KCNB2: variants seen among roughly 807,000 people sequenced by gnomAD.
The protein encoded by KCNB2 is delayed rectifier potassium channel protein.
Under a neutral mutation model 61.5 loss-of-function variants are expected in KCNB2, and 15 were observed. That is an observed-to-expected ratio of 0.24 (90% CI 0.16 to 0.38). KCNB2 has a LOEUF of 0.38. Among genes scored for constraint, KCNB2 ranks in the 10% least tolerant of loss-of-function variants. KCNB2 has a pLI of 1.00. For missense variants in KCNB2, 828 were observed against 1,125.2 expected, an observed-to-expected ratio of 0.74 and a Z score of 3.78; for synonymous variants, 457 against 446.0, an observed-to-expected ratio of 1.02 and a Z score of -0.31.
intron 2 of KCNB2, among the ~76,000 whole-genome samples, chr8:72,677,135 T>C (rs1017423343): frequency 3.3e-5 from 5 of 152,090 alleles, no homozygotes; most frequent in Non-Finnish European, 5.9e-5. Context: ...CCTGTGATGC[T>C]TGGAGTCATG....
intron 2 of KCNB2, among the ~76,000 whole-genome samples, chr8:72,894,370 C>A (rs1805953099): frequency 6.6e-6 from 1 of 152,030 alleles, no homozygotes; most frequent in Non-Finnish European, 1.5e-5. Context: ...GCTTTACAGG[C>A]CAGAACAAAG....
chr8:72,892,717 A>G (rs1034905364), intron 2 of KCNB2, among the ~76,000 whole-genome samples: 3 of 152,108 alleles, frequency 2.0e-5, no homozygotes, highest in African/African-American at 7.2e-5. Flanking sequence ...CTTCTCCTAT[A>G]CTACTTCTTA....
At chr8:72,866,579 A>G (rs916031164) in intron 2 of KCNB2, among the ~76,000 whole-genome samples, 10 of 152,180 alleles carry the variant, frequency 6.6e-5, no homozygotes, top group Non-Finnish European at 1.0e-4. Context: ...TTGTTATTGC[A>G]GTTGCTCTGT....
chr8:72,560,420 GA>G (rs1585751370), intron 1 of KCNB2, among the ~76,000 whole-genome samples: 2 of 152,210 alleles, frequency 1.3e-5, no homozygotes, highest in African/African-American at 4.8e-5. Flanking sequence ...GGTAGTGACT[GA>G]AGTTCGTGAT....
chr8:72,763,325 C>CTT (rs5892367), intron 2 of KCNB2, among the ~76,000 whole-genome samples: 66 of 149,758 alleles, frequency 4.4e-4, no homozygotes, highest in African/African-American at 1.3e-3. Flanking sequence ...CCTGAGTCTC[C>CTT]TTTTTTTTTA....
At chr8:72,755,344 A>G (rs1808271957) in intron 2 of KCNB2, among the ~76,000 whole-genome samples, 1 of 152,174 alleles carries the variant, frequency 6.6e-6, no homozygotes, top group Non-Finnish European at 1.5e-5. Flanking sequence ...GTTAATAATG[A>G]TGCATCAACA....
At chr8:72,744,480 T>C (rs564779970) in intron 2 of KCNB2, among the ~76,000 whole-genome samples, 3 of 152,190 alleles carry the variant, frequency 2.0e-5, no homozygotes, top group African/African-American at 7.2e-5. Flanking sequence ...GTTATTTGTG[T>C]GGGAGAGGTG....
At position 72,618,126 on chromosome 8, in the gene KCNB2, C is replaced by T. The variant is rs1410925083; in HGVS notation, c.579+49813C>T. 1.3e-5 allele frequency among the ~76,000 whole-genome samples: 2 copies of T among 151,934 alleles called. 1 individual carries two copies. Among genetic ancestry groups the T allele is most frequent in the Non-Finnish European group, 2.9e-5 (2 of 67,966 alleles). Reference sequence around the variant, plus strand: ...TGGTGGGAAAGCTAAAAATGCCTACCGAGATGGCAATGTAGACTGACATTA... The same window carrying T: ...TGGTGGGAAAGCTAAAAATGCCTACTGAGATGGCAATGTAGACTGACATTA... On this transcript the variant is annotated intron_variant, in intron 2 of 2. Coordinates refer to ENST00000523207, the MANE Select transcript of KCNB2 (RefSeq NM_004770.3).
At chr8:72,896,898 G>A (rs2129006311) in intron 2 of KCNB2, among the ~76,000 whole-genome samples, 2 of 152,180 alleles carry the variant, frequency 1.3e-5, no homozygotes, top group Middle Eastern at 3.4e-3. Flanking sequence ...CACTCTCATT[G>A]TCAATATCTA....
chr8:72,578,713 G>T (rs1362631999), intron 2 of KCNB2, among the ~76,000 whole-genome samples: 1 of 152,158 alleles, frequency 6.6e-6, no homozygotes, highest in Non-Finnish European at 1.5e-5. Flanking sequence ...TTGATAGGCA[G>T]ATTTTAACAA....
intron 2 of KCNB2, among the ~76,000 whole-genome samples, chr8:72,815,435 C>G (rs369566823): frequency 4.9e-4 from 75 of 152,224 alleles, no homozygotes; most frequent in African/African-American, 1.7e-3. Flanking sequence ...TGTAGTAGCA[C>G]TTATCAGTGT....
chr8:72,856,018 CTG>C (rs1364633217), intron 2 of KCNB2, among the ~76,000 whole-genome samples: 1 of 152,152 alleles, frequency 6.6e-6, no homozygotes, highest in African/African-American at 2.4e-5. Flanking sequence ...GAAAACAAGT[CTG>C]TGCATATTCA....
chr8:72,631,595 A>G (rs968248831), intron 2 of KCNB2, among the ~76,000 whole-genome samples: 11 of 152,210 alleles, frequency 7.2e-5, no homozygotes, highest in Non-Finnish European at 1.5e-4. Flanking sequence ...ATGAGGTCAC[A>G]TTCTCAGGTA....
rs1298363214 is a variant in KCNB2, at chr8:72,621,670, C to T, written c.579+53357C>T. 2.0e-5 allele frequency among the ~76,000 whole-genome samples: 3 copies of T among 152,052 alleles called. No individual in the cohort carries two copies. The East Asian group carries it at 5.8e-4, about 29-fold the overall frequency. ...AGAATGGGCTATCCATCCCCTTGAG[C>T]CTGCACTCATTTTAATTAGCAGTCA... On this transcript the variant is annotated intron_variant, in intron 2 of 2. Coordinates refer to ENST00000523207, the MANE Select transcript of KCNB2 (RefSeq NM_004770.3).
intron 1 of KCNB2, among the ~76,000 whole-genome samples, chr8:72,541,651 A>G (rs1239079602): frequency 6.6e-6 from 1 of 152,246 alleles, no homozygotes; most frequent in East Asian, 1.9e-4. Flanking sequence ...CAAAAGTAAG[A>G]GAAAACCCCC....
chr8:72,693,036 C>T (rs567578180), intron 2 of KCNB2, among the ~76,000 whole-genome samples: 15 of 152,096 alleles, frequency 9.9e-5, no homozygotes, highest in East Asian at 5.8e-4. Context: ...AATAAGATAT[C>T]GTGATTATCA....
At chr8:72,842,342 T>A (rs968194489) in intron 2 of KCNB2, among the ~76,000 whole-genome samples, 7 of 152,220 alleles carry the variant, frequency 4.6e-5, no homozygotes, top group African/African-American at 1.7e-4. Flanking sequence ...TTGCCAATAT[T>A]TTATTGAGGA....
intron 2 of KCNB2, among the ~76,000 whole-genome samples, chr8:72,805,354 T>C (rs1809202378): frequency 6.6e-6 from 1 of 152,200 alleles, no homozygotes. Context: ...AGAGTTATCA[T>C]TTCTACAATC....
intron 1 of KCNB2, among the ~76,000 whole-genome samples, chr8:72,565,666 C>CA (rs1410401793): frequency 2.4e-4 from 37 of 151,024 alleles, no homozygotes; most frequent in African/African-American, 9.1e-4. Context: ...ACACACAACA[C>CA]ACACACACAC....
Sources: gnomAD v4.1 joint callset for allele counts (sites outside exome capture counted in the v4.1 genomes callset) on GRCh38, gnomAD v4.1.1 for gene constraint, MANE v1.5 for transcripts, NCBI Gene and HGNC (gene_info 2026-07-23, HGNC 2026-07-21) for gene names.